The following CFAP20DC variants were observed in gnomAD, a reference collection of about 807,000 sequenced individuals.
CFAP20DC encodes the protein CFAP20 domain containing, also known as protein CFAP20DC.
In CFAP20DC, 84 loss-of-function variants were observed where a neutral mutation model predicts 101.7. The observed-to-expected ratio is 0.83, with a 90% CI of 0.69 to 0.99. The LOEUF (loss-of-function observed/expected upper bound fraction) is 0.99, where lower values mean the gene tolerates loss of function less well. Among genes scored for constraint, CFAP20DC ranks in the 50% least tolerant of loss-of-function variants. The pLI is 0.00. For missense variants in CFAP20DC, 1,007 were observed against 970.3 expected, an observed-to-expected ratio of 1.04 and a Z score of -0.50; for synonymous variants, 359 against 351.2, an observed-to-expected ratio of 1.02 and a Z score of -0.25.
downstream of CFAP20DC, among the ~76,000 whole-genome samples, chr3:58,739,281 A>G (rs1172830909): frequency 1.3e-5 from 2 of 152,164 alleles, no homozygotes; most frequent in Non-Finnish European, 2.9e-5. Context: ...ATTACATGAT[A>G]ATTTTGAGAT....
intron 6 of CFAP20DC, among the ~76,000 whole-genome samples, chr3:58,902,462 C>T (rs1326511653): frequency 6.6e-6 from 1 of 152,172 alleles, no homozygotes; most frequent in Non-Finnish European, 1.5e-5. Context: ...CCCTTATTCC[C>T]ATCCTAGTGG....
rs1258830323 is a variant in CFAP20DC, at chr3:58,914,236, A to G, written c.394-372T>C. Reference sequence around the variant, plus strand: ...AGATAAGTAGCCAATTGTTCCTTCAAGGGGACTAATTTGATCACAATTAGC... The same window carrying G: ...AGATAAGTAGCCAATTGTTCCTTCAGGGGGACTAATTTGATCACAATTAGC... On this transcript the variant is annotated intron_variant, in intron 5 of 16. Transcript: ENST00000482387. The surrounding 1 kb of genome is among the most constrained non-coding windows in gnomAD (Gnocchi z 4.9). 4.6e-5 allele frequency among the ~76,000 whole-genome samples: 7 copies of G among 152,164 alleles called. No homozygotes were observed. Among genetic ancestry groups the G allele is most frequent in the Admixed American group, 3.9e-4 (6 of 15,266 alleles).
intron 15 of CFAP20DC, chr3:58,794,139 T>G (rs1364969115): frequency 3.1e-6 from 1 of 320,418 alleles, no homozygotes; most frequent in East Asian, 7.7e-5. Context: ...AGGTCACTAC[T>G]GTTGTTAGCC....
intron 6 of CFAP20DC, among the ~76,000 whole-genome samples, chr3:58,886,215 A>G (rs1055446960): frequency 6.6e-6 from 1 of 152,172 alleles, no homozygotes; most frequent in Non-Finnish European, 1.5e-5. Flanking sequence ...TATGCAAATA[A>G]GCGTTTATAA....
chr3:58,806,632 G>A (rs370635444), intron 14 of CFAP20DC, among the ~76,000 whole-genome samples, 176 bp from the exon 15 acceptor site: 7 of 152,318 alleles, frequency 4.6e-5, no homozygotes, highest in South Asian at 2.1e-4. Context: ...AGCTCCCAGC[G>A]TGAGCGATGC....
At chr3:58,809,043 A>G (rs1238892522) in intron 14 of CFAP20DC, among the ~76,000 whole-genome samples, 3 of 152,084 alleles carry the variant, frequency 2.0e-5, no homozygotes, top group Non-Finnish European at 2.9e-5. Flanking sequence ...CACCCAATAC[A>G]GGAGCACCCA....
intron 14 of CFAP20DC, among the ~76,000 whole-genome samples, chr3:58,808,699 A>G: frequency 6.6e-6 from 1 of 152,236 alleles, no homozygotes; most frequent in Non-Finnish European, 1.5e-5. Flanking sequence ...GACAGGATCA[A>G]ATTCACACAT....
chr3:59,021,809 G>C (rs562305184), intron 4 of CFAP20DC, among the ~76,000 whole-genome samples: 5 of 152,208 alleles, frequency 3.3e-5, no homozygotes, highest in Admixed American at 2.6e-4. Flanking sequence ...GCGGGGAAGA[G>C]AGAGACAGAG....
chr3:58,998,690 A>T (rs1256187782), intron 4 of CFAP20DC, among the ~76,000 whole-genome samples: 1 of 152,160 alleles, frequency 6.6e-6, no homozygotes, highest in Admixed American at 6.5e-5. Context: ...GGAACTGAGC[A>T]GACATGACTC....
intron 4 of CFAP20DC, among the ~76,000 whole-genome samples, chr3:58,961,106 T>C (rs1185393434): frequency 6.6e-6 from 1 of 152,246 alleles, no homozygotes; most frequent in Non-Finnish European, 1.5e-5. Context: ...TTGGCCGTGG[T>C]ATATAATCAT....
chr3:58,854,183 C>A (rs1333736938), intron 12 of CFAP20DC, among the ~76,000 whole-genome samples: 1 of 151,982 alleles, frequency 6.6e-6, no homozygotes, highest in Non-Finnish European at 1.5e-5. Flanking sequence ...CATTCTGATA[C>A]ACCAACAACA....
intron 3 of CFAP20DC, among the ~76,000 whole-genome samples, chr3:58,723,330 A>G (rs973353930): frequency 1.3e-5 from 2 of 152,250 alleles, no homozygotes; most frequent in Non-Finnish European, 2.9e-5. Flanking sequence ...CACATAAACA[A>G]AACGTATAGT....
chr3:58,717,951 C>A lies in CFAP20DC; in HGVS notation c.198-323G>T, dbSNP rs537662921. On this transcript the variant is annotated intron_variant, in intron 3 of 3. Coordinates refer to the CFAP20DC transcript ENST00000486145. The surrounding 1 kb of genome is among the most constrained non-coding windows in gnomAD (Gnocchi z 4.1). ...GATGTAGGGCTTCTTAATAAGTTCT[C>A]TTCTCAAAAGCTTATGATTTTTACC... 3.5e-4 allele frequency among the ~76,000 whole-genome samples: 53 copies of A among 152,338 alleles called. No individual in the cohort carries two copies. Among genetic ancestry groups the A allele is most frequent in the Non-Finnish European group, 5.4e-4 (37 of 68,038 alleles).
chr3:58,980,409 G>A (rs952581563), intron 4 of CFAP20DC, among the ~76,000 whole-genome samples: 1 of 152,108 alleles, frequency 6.6e-6, no homozygotes, highest in Non-Finnish European at 1.5e-5. Flanking sequence ...CAAAAAAAGA[G>A]AATTTTAGAC....
chr3:58,947,613 T>C (rs963534738), intron 4 of CFAP20DC, among the ~76,000 whole-genome samples: 1 of 152,350 alleles, frequency 6.6e-6, no homozygotes, highest in African/African-American at 2.4e-5. Flanking sequence ...AATTCAATAC[T>C]GAGTAAGGTC....
rs551839139 is a variant in CFAP20DC, at chr3:58,746,929, C to G, written c.2333-4357G>C. ...AAATTATAATATCATTACGCAATTA[C>G]CACTATGATGTCAAGCATTGGGAAA... On this transcript the variant is annotated intron_variant, in intron 16 of 16. Transcript: ENST00000482387. Among the ~76,000 whole-genome samples the G allele has an allele frequency of 1.5e-4, 23 of 152,220 alleles. No homozygotes were observed. The East Asian group carries it at 4.4e-3, about 29-fold the overall frequency.
intron 4 of CFAP20DC, among the ~76,000 whole-genome samples, chr3:58,990,587 A>G (rs1199237376): frequency 6.6e-6 from 1 of 152,070 alleles, no homozygotes; most frequent in Non-Finnish European, 1.5e-5. Context: ...CCTAAAGTAG[A>G]TCTTTCTGTG....
intron 14 of CFAP20DC, among the ~76,000 whole-genome samples, chr3:58,814,858 G>A (rs542781250): frequency 1.3e-4 from 20 of 150,228 alleles, no homozygotes; most frequent in East Asian, 7.8e-4. Flanking sequence ...AAATAAAAGA[G>A]GATACAAACA....
chr3:58,846,452 T>A (rs963116758), intron 13 of CFAP20DC, among the ~76,000 whole-genome samples: 1 of 151,954 alleles, frequency 6.6e-6, no homozygotes, highest in Non-Finnish European at 1.5e-5. Flanking sequence ...GAATCCAACC[T>A]ACAAGGGATG....
Sources: gnomAD v4.1 joint callset for allele counts (sites outside exome capture counted in the v4.1 genomes callset) on GRCh38, gnomAD v4.1.1 for gene constraint, Gnocchi (gnomAD v3.1) non-coding constraint, MANE v1.5 for transcripts, NCBI Gene and HGNC (gene_info 2026-07-23, HGNC 2026-07-21) for gene names.